The following LAMA2 variants were observed in gnomAD, a reference collection of about 807,000 sequenced individuals.
The protein encoded by LAMA2 is laminin subunit alpha 2.
LAMA2 carries 269 observed loss-of-function variants against 364.8 expected under a neutral mutation model. That is an observed-to-expected ratio of 0.74 (90% CI 0.67 to 0.82). LAMA2 has a LOEUF of 0.82. Ranked by LOEUF, LAMA2 falls within the 40% of genes least tolerant of loss-of-function variation. The probability of loss-of-function intolerance (pLI) is 0.00; values close to 1 mark genes in which losing one functional copy is unlikely to be tolerated. For synonymous variants in LAMA2, 1,379 were observed against 1,370.6 expected (o/e 1.01, Z -0.14); for missense variants, 3,807 against 3,873.2 (o/e 0.98, Z 0.45).
At chr6:129,076,655 A>T (rs908393254) in intron 3 of LAMA2, among the ~76,000 whole-genome samples, 1 of 151,514 alleles carries the variant, frequency 6.6e-6, no homozygotes, top group African/African-American at 2.4e-5. Flanking sequence ...GTAATTTTTC[A>T]ATTAAGGAAA....
intron 5 of LAMA2, 141 bp downstream of exon 5, chr6:129,144,221 T>C (rs552732558): frequency 1.7e-6 from 1 of 596,016 alleles, no homozygotes; most frequent in East Asian, 3.0e-5. Flanking sequence ...AGATTATTAT[T>C]ATTATTATTA....
intron 29 of LAMA2, among the ~76,000 whole-genome samples, chr6:129,328,885 T>C (rs1042656282): frequency 2.6e-5 from 4 of 152,214 alleles, no homozygotes; most frequent in Admixed American, 1.3e-4. Flanking sequence ...CCTTTACATT[T>C]TTACCTATCA....
chr6:129,344,614 G>C (rs1298216800), intron 30 of LAMA2, among the ~76,000 whole-genome samples: 1 of 152,172 alleles, frequency 6.6e-6, no homozygotes, highest in Non-Finnish European at 1.5e-5. Context: ...ATTAAAGTTG[G>C]ATAAGATTTC....
At chr6:129,439,819 A>G (rs940437757) in intron 42 of LAMA2, among the ~76,000 whole-genome samples, 5 of 105,982 alleles carry the variant, frequency 4.7e-5, no homozygotes, top group African/African-American at 1.4e-4. Context: ...GCTTGCATCA[A>G]TTGGTCATAT....
chr6:129,042,885 T>G (rs1787205249), intron 1 of LAMA2, among the ~76,000 whole-genome samples: 1 of 152,220 alleles, frequency 6.6e-6, no homozygotes, highest in African/African-American at 2.4e-5. Flanking sequence ...ATTGTTTAAA[T>G]ACACCACAGT....
At chr6:129,052,333 T>TGA (rs1179216890) in intron 2 of LAMA2, among the ~76,000 whole-genome samples, 1 of 150,776 alleles carries the variant, frequency 6.6e-6, no homozygotes, top group African/African-American at 2.4e-5. Flanking sequence ...TATTTTTAGT[T>TGA]GAGACGGGGT....
chr6:129,427,952 GA>G, intron 41 of LAMA2, 98 bp downstream of exon 41: 1 of 812,916 alleles, frequency 1.2e-6, no homozygotes, highest in Non-Finnish European at 2.1e-6. Context: ...TCTTTAGCAT[GA>G]TTTTTGTGAT....
intron 3 of LAMA2, among the ~76,000 whole-genome samples, chr6:129,062,618 C>G (rs1562203511): frequency 6.6e-6 from 1 of 152,090 alleles, no homozygotes; most frequent in Admixed American, 6.5e-5. Context: ...TCTTTTCTAC[C>G]TACCGCATGA....
At chr6:128,950,611 T>C (rs1780754449) in intron 1 of LAMA2, among the ~76,000 whole-genome samples, 1 of 152,114 alleles carries the variant, frequency 6.6e-6, no homozygotes, top group African/African-American at 2.4e-5. Context: ...GGATTGAACC[T>C]CTTTCTCTCC....
intron 41 of LAMA2, among the ~76,000 whole-genome samples, chr6:129,431,355 C>A (rs561191236): frequency 1.3e-5 from 2 of 149,728 alleles, no homozygotes; most frequent in Non-Finnish European, 3.0e-5. Context: ...GCTGAGATTG[C>A]GCCACTGCAC....
chr6:129,365,519 C>A (rs906381906), intron 32 of LAMA2, among the ~76,000 whole-genome samples: 1 of 151,966 alleles, frequency 6.6e-6, no homozygotes, highest in Non-Finnish European at 1.5e-5. Context: ...CCCGCCACCA[C>A]GCCTGGCTAA....
chr6:129,256,980 C>T (rs1786738222), intron 14 of LAMA2, among the ~76,000 whole-genome samples: 1 of 151,128 alleles, frequency 6.6e-6, no homozygotes, highest in Admixed American at 6.6e-5. Context: ...TGAAATAGTT[C>T]CAATATTATT....
Position 129,313,054 on chromosome 6 carries a change from A to G in LAMA2, c.3368A>G (p.Lys1123Arg). ...GCCACAACCTGTGATTCAGAGACTA[A>G]AAAATGCTCCTGTAGTGATCAAACT... ...TDATTCDSET[K>R]KCSCSDQTGQ... The change falls in exon 23 of 65, where the codon AAA becomes AGA. Residue 1123 changes from lysine (K) to arginine (R), a missense_variant. By Grantham distance (26) the Lys-to-Arg change is conservative. Coordinates refer to ENST00000421865, the MANE Select transcript of LAMA2 (RefSeq NM_000426.4). 1 of 1,614,060 alleles carries G rather than the reference A, an allele frequency of 6.2e-7. No homozygotes were observed. The highest frequency in any genetic ancestry group is 8.5e-7 in the Non-Finnish European group (1 of 1,179,892).
chr6:129,222,272 T>C (rs750325221), intron 12 of LAMA2, among the ~76,000 whole-genome samples: 2 of 152,096 alleles, frequency 1.3e-5, no homozygotes, highest in Non-Finnish European at 2.9e-5. Flanking sequence ...ATCTTTAAAA[T>C]GGAATTAGTA....
At chr6:128,907,616 T>A (rs1325762404) in intron 1 of LAMA2, among the ~76,000 whole-genome samples, 2 of 152,096 alleles carry the variant, frequency 1.3e-5, no homozygotes, top group Non-Finnish European at 2.9e-5. Context: ...CCTAATTGAA[T>A]ACCCTTTATT....
At chr6:129,171,584 C>T (rs1350190163) in intron 9 of LAMA2, among the ~76,000 whole-genome samples, 1 of 151,848 alleles carries the variant, frequency 6.6e-6, no homozygotes, top group Non-Finnish European at 1.5e-5. Flanking sequence ...GTAACCCGAC[C>T]TTTCTCTCTG....
intron 1 of LAMA2, among the ~76,000 whole-genome samples, chr6:129,044,525 A>G (rs2114761517): frequency 6.6e-6 from 1 of 151,694 alleles, no homozygotes; most frequent in African/African-American, 2.4e-5. Flanking sequence ...CACATGATAT[A>G]CACTTAGCCT....
intron 12 of LAMA2, among the ~76,000 whole-genome samples, chr6:129,223,340 A>C (rs367580926): frequency 6.6e-6 from 1 of 152,046 alleles, no homozygotes; most frequent in South Asian, 2.1e-4. Context: ...GAAGCTCTTT[A>C]GTTTAATTAG....
intron 10 of LAMA2, among the ~76,000 whole-genome samples, chr6:129,182,701 T>C (rs532103985): frequency 6.6e-6 from 1 of 151,818 alleles, no homozygotes; most frequent in South Asian, 2.1e-4. Context: ...TAAATACACT[T>C]GTAGGGTAAG....
Sources: gnomAD v4.1 joint callset for allele counts (sites outside exome capture counted in the v4.1 genomes callset) on GRCh38, gnomAD v4.1.1 for gene constraint, MANE v1.5 for transcripts, NCBI Gene and HGNC (gene_info 2026-07-23, HGNC 2026-07-21) for gene names.